Variants in SPATA21 observed in about 807,000 individuals in gnomAD.
The protein encoded by SPATA21 is spermatogenesis associated 21, also known as spermatogenesis-associated protein 21.
Under a neutral mutation model 54.8 loss-of-function variants are expected in SPATA21, and 47 were observed. The observed-to-expected ratio is 0.86, with a 90% CI of 0.68 to 1.09. The LOEUF (loss-of-function observed/expected upper bound fraction) is 1.09, where lower values mean the gene tolerates loss of function less well. Ranked by LOEUF, SPATA21 falls within the 50% of genes least tolerant of loss-of-function variation. SPATA21 has a pLI of 0.00. For missense variants in SPATA21, 599 were observed against 596.4 expected (o/e 1.00, Z -0.05); for synonymous variants, 245 against 235.3 (o/e 1.04, Z -0.38).
downstream of SPATA21, chr1:16,398,556 G>A (rs2085351411): frequency 3.4e-6 from 2 of 589,446 alleles, no homozygotes; most frequent in South Asian, 3.9e-5. Flanking sequence ...CCCCGCGCAG[G>A]GCTTTGAGGT....
intron 3 of SPATA21, chr1:16,431,128 G>T: frequency 8.1e-7 from 1 of 1,230,032 alleles, no homozygotes; most frequent in Non-Finnish European, 1.1e-6. Context: ...ATTGGGTTTT[G>T]TGTCCATTTT....
chr1:16,425,209 G>T (rs1421414000), intron 3 of SPATA21: 5 of 519,590 alleles, frequency 9.6e-6, no homozygotes, highest in Non-Finnish European at 1.5e-5. Context: ...ACCATGCCCG[G>T]CCTGGAAACA....
Position 16,409,151 on chromosome 1 carries a change from A to T in SPATA21, c.640T>A (p.Ser214Thr). The change falls in exon 7 of 13, where the codon TCC becomes ACC. Residue 214 changes from serine (S) to threonine (T), a missense_variant. Transcript: ENST00000335496. The surrounding 1 kb of genome is among the most constrained non-coding windows in gnomAD (Gnocchi z 4.1). ...LQKLYQNREK[S>T]EEQLTLKQEE... ...TGCTTCAGGGTCAGTTGCTCCTCGG[A>T]CTTCTCCCGGTTTTGATAAAGCTTT... is the stretch of plus-strand genomic sequence containing the variant. The T allele has an allele frequency of 1.9e-6, 3 of 1,613,966 alleles. No homozygotes were observed. Among genetic ancestry groups the T allele is most frequent in the Non-Finnish European group, 2.5e-6 (3 of 1,179,976 alleles).
At chr1:16,406,462 G>T (rs1318283366) in intron 7 of SPATA21, among the ~76,000 whole-genome samples, 1 of 152,144 alleles carries the variant, frequency 6.6e-6, no homozygotes, top group Non-Finnish European at 1.5e-5. Context: ...GAAAATTTGG[G>T]CTAGGTGCGA....
Position 16,409,508 on chromosome 1 carries a change from C to T in SPATA21, c.587+93G>A. On this transcript the variant is annotated intron_variant, in intron 6 of 12. Transcript: ENST00000335496. The surrounding 1 kb of genome is among the most constrained non-coding windows in gnomAD (Gnocchi z 4.1). ...GGAGAGAGGGGGACACACGAGGGAA[C>T]AGGCAGGTGCAGGGACAGGGACCTG... 7.6e-7 allele frequency: 1 copy of T among 1,317,216 alleles called. No homozygotes were observed. The allele number at this position is 1,317,216 out of a possible 1,614,324, so 81.6% of individuals were successfully genotyped here.
chr1:16,406,254 G>T (rs1479383197), intron 7 of SPATA21, among the ~76,000 whole-genome samples: 1 of 152,140 alleles, frequency 6.6e-6, no homozygotes, highest in East Asian at 1.9e-4. Flanking sequence ...CAAAGTGCTG[G>T]AGTTACAGGC....
chr1:16,406,889 G>A (rs1041729296), intron 7 of SPATA21, among the ~76,000 whole-genome samples: 2 of 152,184 alleles, frequency 1.3e-5, no homozygotes, highest in Admixed American at 6.6e-5. Context: ...GCAACCTGCC[G>A]ACCCCCTGAT....
chr1:16,399,623 G>T, intron 11 of SPATA21, 102 bp from the exon 12 acceptor site: 1 of 1,360,814 alleles, frequency 7.3e-7, no homozygotes, highest in Non-Finnish European at 9.9e-7. Flanking sequence ...ATAATGACCT[G>T]AGTGGTTTGG....
At chr1:16,424,569 C>T (rs1362542153) in intron 3 of SPATA21, among the ~76,000 whole-genome samples, 1 of 151,774 alleles carries the variant, frequency 6.6e-6, no homozygotes, top group African/African-American at 2.4e-5. Flanking sequence ...AGACATGTGC[C>T]ACCACATCCA....
intron 1 of SPATA21, among the ~76,000 whole-genome samples, chr1:16,435,287 A>G (rs1169064985): frequency 6.6e-6 from 1 of 151,352 alleles, no homozygotes; most frequent in Non-Finnish European, 1.5e-5. Context: ...CCATTTGTCT[A>G]TCTTCTTTGG....
At chr1:16,411,225 T>G (rs1373882222) in intron 5 of SPATA21, among the ~76,000 whole-genome samples, 1 of 152,200 alleles carries the variant, frequency 6.6e-6, no homozygotes, top group African/African-American at 2.4e-5. Context: ...CTCGTTTTGT[T>G]GCCCAGGCTG....
intron 7 of SPATA21, among the ~76,000 whole-genome samples, chr1:16,405,368 G>A (rs183318237): frequency 5.3e-5 from 8 of 151,946 alleles, no homozygotes; most frequent in Admixed American, 2.6e-4. Flanking sequence ...TGGGCGTGGC[G>A]GTGCATGACT....
intron 10 of SPATA21, among the ~76,000 whole-genome samples, chr1:16,401,723 A>G (rs1273155715): frequency 2.0e-5 from 3 of 152,216 alleles, no homozygotes; most frequent in East Asian, 1.9e-4. Flanking sequence ...TCTCTGTCCT[A>G]TCCCCACCCC....
rs1221727099 is a variant in SPATA21, at chr1:16,403,803, T to A, written c.925A>T (p.Thr309Ser). The change falls in exon 10 of 13, where the codon ACT becomes TCT. Residue 309 changes from threonine (T) to serine (S), a missense_variant. Thr to Ser is a moderately conservative substitution (Grantham distance 58). Transcript: ENST00000335496. ...LSDMAPHNPHTLLFEILSLLV... is the reference protein window; with the variant it reads ...LSDMAPHNPHSLLFEILSLLV... ...AGGGACAGGATCTCAAAGAGTAGAG[T>A]GTGGGGGTTGTGGGGAGCCATGTCC... 6.2e-7 allele frequency: 1 copy of A among 1,611,208 alleles called. No individual in the cohort carries two copies. Among genetic ancestry groups the A allele is most frequent in the South Asian group, 1.1e-5 (1 of 90,638 alleles).
chr1:16,418,059 G>A (rs1020046414), intron 5 of SPATA21, among the ~76,000 whole-genome samples: 1 of 152,202 alleles, frequency 6.6e-6, no homozygotes, highest in Non-Finnish European at 1.5e-5. Flanking sequence ...CTCCAGAGCA[G>A]GGAGCAGGGG....
chr1:16,423,412 C>T, intron 3 of SPATA21, among the ~76,000 whole-genome samples: 1 of 59,158 alleles, frequency 1.7e-5, no homozygotes, highest in African/African-American at 5.1e-5. Context: ...GACTCCATGT[C>T]AAAAAAAAAA....
chr1:16,425,994 G>A (rs1466897243), intron 3 of SPATA21, among the ~76,000 whole-genome samples: 2 of 151,270 alleles, frequency 1.3e-5, no homozygotes, highest in East Asian at 4.0e-4. Flanking sequence ...AGCAATCTTC[G>A]ACCTCGGCCT....
chr1:16,414,131 T>A (rs896228985), intron 5 of SPATA21, among the ~76,000 whole-genome samples: 1 of 152,006 alleles, frequency 6.6e-6, no homozygotes, highest in Admixed American at 6.6e-5. Flanking sequence ...AGTGGTGCAA[T>A]CTTGGCTCAC....
At chr1:16,397,919 A>G, downstream of SPATA21, 2 of 506,806 alleles carry the variant, frequency 3.9e-6, no homozygotes, top group Non-Finnish European at 5.1e-6. This position sits in a 1 kb window ranked among gnomAD's most constrained non-coding sequence, Gnocchi z 5.4. Flanking sequence ...GAGACTCAAG[A>G]AACCTCTGGG....
Sources: allele counts gnomAD v4.1 joint callset (sites outside exome capture counted in the v4.1 genomes callset), GRCh38; gene constraint gnomAD v4.1.1; non-coding constraint Gnocchi (gnomAD v3.1); transcripts MANE v1.5; gene names NCBI Gene and HGNC (gene_info 2026-07-23, HGNC 2026-07-21).